RFX3: variants seen among roughly 807,000 people sequenced by gnomAD.
RFX3 encodes the protein transcription factor RFX3.
Under a neutral mutation model 98.6 loss-of-function variants are expected in RFX3, and 14 were observed. That is an observed-to-expected ratio of 0.14 (90% CI 0.09 to 0.22). RFX3 has a LOEUF of 0.22. Ranked by LOEUF, RFX3 falls within the 10% of genes least tolerant of loss-of-function variation. The pLI is 1.00. For missense variants in RFX3, 639 were observed against 926.9 expected (o/e 0.69, Z 4.03); for synonymous variants, 383 against 328.4 (o/e 1.17, Z -1.80).
chr9:3,259,917 G>A (rs1822643858), intron 13 of RFX3, among the ~76,000 whole-genome samples: 1 of 152,108 alleles, frequency 6.6e-6, no homozygotes, highest in South Asian at 2.1e-4. Context: ...TATTACAAGA[G>A]CATCATTCTT....
intron 4 of RFX3, among the ~76,000 whole-genome samples, chr9:3,329,829 G>T (rs1268407569): frequency 6.6e-6 from 1 of 152,142 alleles, no homozygotes; most frequent in Non-Finnish European, 1.5e-5. Context: ...CTCTGGGCAT[G>T]AGCTAGCATA....
intron 1 of RFX3, among the ~76,000 whole-genome samples, chr9:3,424,515 C>T (rs992850746): frequency 1.4e-4 from 21 of 151,344 alleles, no homozygotes; most frequent in African/African-American, 4.6e-4. Flanking sequence ...GCGCCCGCCA[C>T]CGCGCCCGGA....
intron 3 of RFX3, among the ~76,000 whole-genome samples, chr9:3,341,558 A>C (rs1445069551): frequency 6.6e-6 from 1 of 152,182 alleles, no homozygotes; most frequent in Non-Finnish European, 1.5e-5. Flanking sequence ...CATTCATTTT[A>C]TCCCTGGTAC....
chr9:3,404,228 T>G (rs1841747793), intron 1 of RFX3, among the ~76,000 whole-genome samples: 1 of 152,202 alleles, frequency 6.6e-6, no homozygotes. Flanking sequence ...ACACATAAAT[T>G]CTGAAAACAC....
intron 1 of RFX3, among the ~76,000 whole-genome samples, chr9:3,409,033 T>G (rs1322141651): frequency 1.3e-5 from 2 of 152,340 alleles, no homozygotes; most frequent in Middle Eastern, 6.8e-3. Context: ...TTAAGAATTC[T>G]CCGATATTTA....
At chr9:3,472,817 G>A (rs190363109) in intron 1 of RFX3, among the ~76,000 whole-genome samples, 41 of 152,242 alleles carry the variant, frequency 2.7e-4, no homozygotes, top group Admixed American at 8.5e-4. Flanking sequence ...TTGGACAACT[G>A]CTATAGTATC....
chr9:3,391,959 G>A (rs1840355589), intron 2 of RFX3, among the ~76,000 whole-genome samples: 1 of 152,072 alleles, frequency 6.6e-6, no homozygotes, highest in Non-Finnish European at 1.5e-5. Flanking sequence ...TTAAATTCGT[G>A]CAATAAATAC....
At chr9:3,349,834 CAT>C (rs1339989082) in intron 2 of RFX3, among the ~76,000 whole-genome samples, 2 of 151,846 alleles carry the variant, frequency 1.3e-5, no homozygotes, top group African/African-American at 2.4e-5. Flanking sequence ...AATATTATGA[CAT>C]AAAATAAAAA....
intron 1 of RFX3, among the ~76,000 whole-genome samples, chr9:3,459,065 C>A (rs753464056): frequency 6.6e-6 from 1 of 152,088 alleles, no homozygotes; most frequent in African/African-American, 2.4e-5. Flanking sequence ...TAAAACAATG[C>A]CCCTCTGAGT....
chr9:3,504,892 A>G (rs1816678909), intron 1 of RFX3, among the ~76,000 whole-genome samples: 1 of 60,698 alleles, frequency 1.6e-5, no homozygotes, highest in African/African-American at 1.1e-4. Flanking sequence ...TATATAATAT[A>G]ACATATATTA....
chr9:3,294,365 C>T (rs1353035935), intron 5 of RFX3, among the ~76,000 whole-genome samples: 1 of 151,982 alleles, frequency 6.6e-6, no homozygotes, highest in African/African-American at 2.4e-5. Flanking sequence ...ATTTAACTTG[C>T]AATTCAAGTT....
At chr9:3,504,655 C>T (rs62645415) in intron 1 of RFX3, among the ~76,000 whole-genome samples, 155 of 8,708 alleles carry the variant, frequency 0.018, 1 homozygote, top group South Asian at 0.036. Flanking sequence ...TAGTATATGC[C>T]ATATGGTATA....
chr9:3,523,418 A>C (rs1328212865), intron 1 of RFX3, among the ~76,000 whole-genome samples: 1 of 152,188 alleles, frequency 6.6e-6, no homozygotes, highest in Non-Finnish European at 1.5e-5. Flanking sequence ...ATTCCACAGC[A>C]GCTCTAATAG....
At chr9:3,494,968 G>C (rs1307796874) in intron 1 of RFX3, among the ~76,000 whole-genome samples, 1 of 151,974 alleles carries the variant, frequency 6.6e-6, no homozygotes, top group African/African-American at 2.4e-5. Flanking sequence ...AATAGTGAGA[G>C]TCTGGACAAG....
chr9:3,370,819 T>A (rs1837758094), intron 2 of RFX3, among the ~76,000 whole-genome samples: 1 of 152,186 alleles, frequency 6.6e-6, no homozygotes, highest in African/African-American at 2.4e-5. Flanking sequence ...AATGTCCAGA[T>A]AAGTAATTCA....
intron 6 of RFX3, among the ~76,000 whole-genome samples, chr9:3,289,906 ATAATAT>A (rs1030038047): frequency 3.3e-5 from 5 of 152,134 alleles, no homozygotes; most frequent in African/African-American, 9.7e-5. Context: ...TTATTGATAG[ATAATAT>A]TAATAATAGT....
intron 1 of RFX3, among the ~76,000 whole-genome samples, chr9:3,406,530 C>G (rs950503990): frequency 2.0e-5 from 3 of 152,112 alleles, no homozygotes. Context: ...ACTATAAACT[C>G]CATGAATGCA....
At chr9:3,466,690 G>C (rs1848251824) in intron 1 of RFX3, among the ~76,000 whole-genome samples, 3 of 151,946 alleles carry the variant, frequency 2.0e-5, no homozygotes, top group African/African-American at 7.3e-5. Context: ...AAGATAACTA[G>C]GTGATTAGTA....
chr9:3,415,825 A>T (rs1842933750), intron 1 of RFX3, among the ~76,000 whole-genome samples: 1 of 152,252 alleles, frequency 6.6e-6, no homozygotes, highest in South Asian at 2.1e-4. Flanking sequence ...CTCACACCAC[A>T]TCAGTGCTGA....
Sources: gnomAD v4.1 joint callset for allele counts (sites outside exome capture counted in the v4.1 genomes callset) on GRCh38, gnomAD v4.1.1 for gene constraint, MANE v1.5 for transcripts, NCBI Gene and HGNC (gene_info 2026-07-23, HGNC 2026-07-21) for gene names.